RAB30: variants seen among roughly 807,000 people sequenced by gnomAD.
RAB30 encodes the protein ras-related protein Rab-30.
RAB30 carries 9 observed loss-of-function variants against 25.1 expected under a neutral mutation model. That is an observed-to-expected ratio of 0.36 (90% CI 0.22 to 0.63). The LOEUF (loss-of-function observed/expected upper bound fraction) is 0.63. RAB30 is among the 20% of genes least tolerant of loss of function. The probability of loss-of-function intolerance (pLI) is 0.69; values close to 1 mark genes in which losing one functional copy is unlikely to be tolerated. For missense variants in RAB30, 140 were observed against 243.5 expected (o/e 0.58, Z 2.83); for synonymous variants, 77 against 86.4 (o/e 0.89, Z 0.60).
chr11:83,006,739 T>C (rs1798552094), intron 1 of RAB30, among the ~76,000 whole-genome samples: 2 of 152,232 alleles, frequency 1.3e-5, no homozygotes, highest in Admixed American at 6.5e-5. Context: ...TTTGCCCAGC[T>C]GCACCCCTTC....
At chr11:83,012,023 G>A (rs1857315890) in intron 1 of RAB30, among the ~76,000 whole-genome samples, 1 of 152,082 alleles carries the variant, frequency 6.6e-6, no homozygotes, top group Non-Finnish European at 1.5e-5. Flanking sequence ...ACCACTGAGG[G>A]GCTCAGTTTC....
intron 1 of RAB30, among the ~76,000 whole-genome samples, chr11:83,000,696 A>T (rs961927474): frequency 1.3e-5 from 2 of 152,220 alleles, no homozygotes; most frequent in Admixed American, 1.3e-4. Flanking sequence ...GACTTTAGAA[A>T]CAGGGCTCTT....
intron 1 of RAB30, among the ~76,000 whole-genome samples, chr11:83,066,293 A>G (rs1858694549): frequency 6.6e-6 from 1 of 152,248 alleles, no homozygotes; most frequent in African/African-American, 2.4e-5. Context: ...GATAAAAGTG[A>G]GGAGGCATTT....
At chr11:82,996,204 T>C (rs1856955124) in intron 2 of RAB30, among the ~76,000 whole-genome samples, 1 of 152,212 alleles carries the variant, frequency 6.6e-6, no homozygotes, top group Non-Finnish European at 1.5e-5. Flanking sequence ...CCTCTAGCTA[T>C]TTGTTATTCA....
At chr11:83,027,414 T>C (rs972658709) in intron 1 of RAB30, among the ~76,000 whole-genome samples, 2 of 152,096 alleles carry the variant, frequency 1.3e-5, no homozygotes, top group South Asian at 2.1e-4. Context: ...TACCAAAACA[T>C]AGTCAGATAG....
At position 83,010,279 on chromosome 11, in the gene RAB30, A is replaced by G. The variant is rs367779956; in HGVS notation, c.-8-12955T>C. ...CAGCCCAGGCAACACAGCAAGACCCAACCTCTACAAGAAATTTAAAAATTA... is the reference window on the plus strand; with the variant it reads ...CAGCCCAGGCAACACAGCAAGACCCGACCTCTACAAGAAATTTAAAAATTA... On this transcript the variant is annotated intron_variant, in intron 1 of 4. Transcript: ENST00000527633. 2.2e-4 allele frequency among the ~76,000 whole-genome samples: 34 copies of G among 152,244 alleles called. No homozygotes were observed. In the East Asian group the frequency reaches 3.9e-3, roughly 17 times the overall value.
intron 1 of RAB30, among the ~76,000 whole-genome samples, chr11:83,060,910 G>A (rs567495718): frequency 2.6e-5 from 4 of 152,252 alleles, no homozygotes; most frequent in African/African-American, 9.6e-5. Context: ...GAGAAAAGGC[G>A]AATATGTCAA....
chr11:83,011,142 T>C (rs1857294193), intron 1 of RAB30, among the ~76,000 whole-genome samples: 1 of 152,248 alleles, frequency 6.6e-6, no homozygotes, highest in African/African-American at 2.4e-5. Context: ...ACATTTTGTA[T>C]GTACCATAGA....
chr11:82,980,045 C>T lies in RAB30; in HGVS notation c.*2120G>A, dbSNP rs1856612748. On this transcript the variant is annotated 3_prime_UTR_variant, in exon 5 of 5. Transcript: ENST00000527633. ...TGAGACAAAGTTGGGTCATCATGTG[C>T]TGGGGACACTGGATTTTTGCCCTAA... 1 of 152,180 alleles carries T rather than the reference C, an allele frequency of 6.6e-6. No homozygotes were observed. The highest frequency in any genetic ancestry group is 2.1e-4 in the South Asian group (1 of 4,832). The allele number at this position is 152,180 out of a possible 1,614,324, so 9.4% of individuals were successfully genotyped here.
At chr11:83,061,716 T>TC (rs1362075386) in intron 1 of RAB30, among the ~76,000 whole-genome samples, 4 of 143,646 alleles carry the variant, frequency 2.8e-5, no homozygotes, top group African/African-American at 7.7e-5. Context: ...TTTTCTTTTT[T>TC]TTTTTTTTTT....
At chr11:83,003,958 G>A (rs1251072982) in intron 1 of RAB30, among the ~76,000 whole-genome samples, 1 of 152,138 alleles carries the variant, frequency 6.6e-6, no homozygotes, top group East Asian at 1.9e-4. Context: ...GGGATGTAGA[G>A]GATAGCTTCA....
chr11:83,043,693 T>C (rs140134763), intron 1 of RAB30, among the ~76,000 whole-genome samples: 1 of 152,312 alleles, frequency 6.6e-6, no homozygotes, highest in East Asian at 1.9e-4. Context: ...GGCAAAATGT[T>C]AGCAATTGGT....
chr11:82,979,027 T>C lies in RAB30; in HGVS notation c.*3138A>G, dbSNP rs1856595028. On this transcript the variant is annotated 3_prime_UTR_variant, in exon 5 of 5. Transcript: ENST00000527633. ...CCCATGGCCTAATCTAAGTAATCCA[T>C]CAAAAAAGATAATTGGCCCTGTAAA... 6.6e-6 allele frequency: 1 copy of C among 151,890 alleles called. No homozygotes were observed. Among genetic ancestry groups the C allele is most frequent in the Admixed American group, 6.6e-5 (1 of 15,250 alleles). The allele number at this position is 151,890 out of a possible 1,614,324, so 9.4% of individuals were successfully genotyped here.
intron 2 of RAB30, among the ~76,000 whole-genome samples, chr11:82,996,172 C>A (rs962631420): frequency 3.9e-5 from 6 of 152,196 alleles, no homozygotes; most frequent in African/African-American, 1.4e-4. Flanking sequence ...AAAACCCTGA[C>A]ATTTCCAAAG....
At chr11:83,019,056 T>G (rs1857504638) in intron 1 of RAB30, among the ~76,000 whole-genome samples, 1 of 152,232 alleles carries the variant, frequency 6.6e-6, no homozygotes, top group Non-Finnish European at 1.5e-5. Context: ...AGACAGAGTC[T>G]CACTCCGTCA....
intron 1 of RAB30, among the ~76,000 whole-genome samples, chr11:83,004,426 G>A (rs1053095779): frequency 6.6e-6 from 1 of 152,156 alleles, no homozygotes; most frequent in Admixed American, 6.5e-5. Flanking sequence ...TGAGTACTCA[G>A]GTCACAGTAG....
intron 1 of RAB30, among the ~76,000 whole-genome samples, chr11:83,001,484 A>G (rs1283220540): frequency 6.6e-6 from 1 of 152,206 alleles, no homozygotes; most frequent in Non-Finnish European, 1.5e-5. Context: ...AAGACGTTGC[A>G]TGTTTTTTAA....
chr11:83,059,726 G>A (rs529001475), intron 1 of RAB30, among the ~76,000 whole-genome samples: 3 of 152,210 alleles, frequency 2.0e-5, no homozygotes, highest in Admixed American at 6.5e-5. Flanking sequence ...GCAAAATCTC[G>A]CCTACTTTAT....
chr11:82,988,102 A>T (rs1256076688), intron 3 of RAB30, among the ~76,000 whole-genome samples: 1 of 152,110 alleles, frequency 6.6e-6, no homozygotes, highest in Non-Finnish European at 1.5e-5. Context: ...CTCTATTCTA[A>T]GCATTTTACC....
Sources: gnomAD v4.1 joint callset for allele counts (sites outside exome capture counted in the v4.1 genomes callset) on GRCh38, gnomAD v4.1.1 for gene constraint, MANE v1.5 for transcripts, NCBI Gene and HGNC (gene_info 2026-07-23, HGNC 2026-07-21) for gene names.